ZNF385C: variants seen among roughly 807,000 people sequenced by gnomAD.
The protein encoded by ZNF385C is CTD-2132N18.2.
A neutral mutation model predicts 35.4 loss-of-function variants in ZNF385C; 28 were observed. The ratio of observed to expected loss-of-function variants is 0.79; its 90% CI spans 0.59 to 1.08. The LOEUF is 1.08. ZNF385C is among the 50% of genes least tolerant of loss of function. The probability of loss-of-function intolerance (pLI) is 0.00; values close to 1 mark genes in which losing one functional copy is unlikely to be tolerated. For missense variants in ZNF385C, 605 were observed against 595.6 expected, an observed-to-expected ratio of 1.02 and a Z score of -0.16; for synonymous variants, 248 against 248.2, an observed-to-expected ratio of 1.00 and a Z score of 0.01.
intron 2 of ZNF385C, among the ~76,000 whole-genome samples, chr17:42,058,505 G>A (rs2053413992): frequency 6.6e-6 from 1 of 152,156 alleles, no homozygotes; most frequent in African/African-American, 2.4e-5. Context: ...CTCCACCAGG[G>A]AGCTCCACCC....
intron 1 of ZNF385C, among the ~76,000 whole-genome samples, chr17:42,094,076 C>T (rs2053892360): frequency 6.6e-6 from 1 of 152,064 alleles, no homozygotes; most frequent in Non-Finnish European, 1.5e-5. Flanking sequence ...CTCTGCCTCC[C>T]AGGTACAAAC....
rs868912603 is a variant in ZNF385C at position 42,081,711 on chromosome 17, C to T, written c.-3+16699G>A. ...GATTCTGATAGGCTTGGTCTGGGTG[C>T]AGCCTGAGACTGTAAAATTCTGCCC... On this transcript the variant is annotated intron_variant, in intron 1 of 8. Coordinates refer to ENST00000692273, the MANE Select transcript of ZNF385C (RefSeq NM_001392013.1). 4.6e-5 allele frequency among the ~76,000 whole-genome samples: 7 copies of T among 151,972 alleles called. No individual in the cohort carries two copies. In the South Asian group the frequency reaches 1.5e-3, roughly 32 times the overall value.
rs137899285 is a variant in ZNF385C, at chr17:42,070,230, A to G, written c.-2-7172T>C. Among the ~76,000 whole-genome samples, 706 of 151,108 alleles carry G rather than the reference A, an allele frequency of 4.7e-3. 3 individuals are homozygous for G. The highest frequency in any genetic ancestry group is 0.017 in the African/African-American group (681 of 41,060). The stretch of plus-strand genomic sequence containing the variant: ...CGTGGTGGCAGGTGCCTGTAGTCCC[A>G]CTACTCAGGAGGCTGAGGCAGGAGA... On this transcript the variant is annotated intron_variant, in intron 1 of 8. Transcript: ENST00000692273.
rs1555655622 is a variant in ZNF385C at position 42,037,754 on chromosome 17, A to C, written c.382T>G (p.Phe128Val). The change falls in exon 3 of 9, where the codon TTC (phenylalanine) becomes GTC (valine). Residue 128 changes from phenylalanine (F) to valine (V), a missense_variant. Phe to Val is a conservative substitution (Grantham distance 50). Coordinates refer to ENST00000692273, the MANE Select transcript of ZNF385C (RefSeq NM_001392013.1). ...GCCCATACCGTGCTGAAGTTGGGGA[A>C]GAGACTGAGCGGGGCAGCGCCATTG... is the stretch of plus-strand genomic sequence containing the variant. The part of the protein sequence containing the change: ...HFNGAAPLSL[F>V]PNFSTMDPVQ... 7 of 1,535,034 alleles carry C rather than the reference A, an allele frequency of 4.6e-6. No individual in the cohort carries two copies. The South Asian group carries it at 8.5e-5, about 19-fold the overall frequency.
chr17:42,044,070 C>T (rs923175516), intron 2 of ZNF385C, among the ~76,000 whole-genome samples: 29 of 146,436 alleles, frequency 2.0e-4, no homozygotes, highest in Non-Finnish European at 4.3e-4. Context: ...AATCCCAGCA[C>T]TTTGGGAGGT....
At chr17:42,051,114 C>G (rs1341499641) in intron 2 of ZNF385C, among the ~76,000 whole-genome samples, 7 of 151,962 alleles carry the variant, frequency 4.6e-5, no homozygotes, top group Non-Finnish European at 8.8e-5. Context: ...TGGAAGTTGA[C>G]AGGTCGCTGC....
At chr17:42,047,830 T>C (rs1353981148) in intron 2 of ZNF385C, among the ~76,000 whole-genome samples, 1 of 151,948 alleles carries the variant, frequency 6.6e-6, no homozygotes, top group Admixed American at 6.6e-5. Flanking sequence ...ATTTTTTGTA[T>C]TTTTAGTAGA....
At chr17:42,074,269 T>A (rs2053661834) in intron 1 of ZNF385C, among the ~76,000 whole-genome samples, 1 of 152,220 alleles carries the variant, frequency 6.6e-6, no homozygotes, top group Non-Finnish European at 1.5e-5. Context: ...AGATGCTCAA[T>A]AAATAGTTGT....
intron 2 of ZNF385C, chr17:42,043,076 G>A: frequency 8.1e-7 from 1 of 1,232,200 alleles, no homozygotes; most frequent in Non-Finnish European, 1.0e-6. Flanking sequence ...CCTTCAGCCT[G>A]GCCCTCAAAA....
At chr17:42,036,097 C>T (rs1289265134) in intron 3 of ZNF385C, among the ~76,000 whole-genome samples, 6 of 151,756 alleles carry the variant, frequency 4.0e-5, no homozygotes, top group African/African-American at 1.2e-4. Context: ...TGGGCTCAAG[C>T]GATTCTCCTG....
rs1233518697 is a variant in ZNF385C at position 42,047,659 on chromosome 17, C to CT, written c.251-9775dup. On this transcript the variant is annotated intron_variant, in intron 2 of 8. Coordinates refer to ENST00000692273, the MANE Select transcript of ZNF385C (RefSeq NM_001392013.1). ...AACTTCTTGGCCCTCTTCCTTGGGA[C>CT]TTTTTTTTTTTCGAGACAGAGTCTT... 2.0e-3 allele frequency among the ~76,000 whole-genome samples: 288 copies of CT among 146,234 alleles called. 1 individual carries two copies. Among genetic ancestry groups the CT allele is most frequent in the African/African-American group, 6.7e-3 (268 of 39,960 alleles).
chr17:42,072,354 GTCC>G (rs2053637201), intron 1 of ZNF385C, among the ~76,000 whole-genome samples: 1 of 152,154 alleles, frequency 6.6e-6, no homozygotes, highest in Non-Finnish European at 1.5e-5. Flanking sequence ...CACCCTTGGT[GTCC>G]TCCTCGCGAC....
At chr17:42,039,948 G>A (rs1054116508) in intron 2 of ZNF385C, 6 of 1,231,072 alleles carry the variant, frequency 4.9e-6, no homozygotes, top group African/African-American at 3.1e-5. Context: ...CGGCGAAGTC[G>A]GGGAAGAGCT....
At chr17:42,052,620 C>T (rs1555657223) in intron 2 of ZNF385C, among the ~76,000 whole-genome samples, 4 of 152,144 alleles carry the variant, frequency 2.6e-5, no homozygotes, top group Non-Finnish European at 1.5e-5. Flanking sequence ...TTTGTGTATA[C>T]ATATACCCAG....
chr17:42,088,336 G>C (rs1555660258), intron 1 of ZNF385C, among the ~76,000 whole-genome samples: 1 of 152,220 alleles, frequency 6.6e-6, no homozygotes, highest in Non-Finnish European at 1.5e-5. Context: ...GCACCCCCAG[G>C]TCACCTCCCT....
chr17:42,060,606 A>C (rs771527481), intron 2 of ZNF385C, among the ~76,000 whole-genome samples: 30 of 152,212 alleles, frequency 2.0e-4, no homozygotes, highest in Non-Finnish European at 3.8e-4. Flanking sequence ...TGCAGGCCTC[A>C]ATGCCTTTGC....
chr17:42,047,270 G>A (rs147776326), intron 2 of ZNF385C, among the ~76,000 whole-genome samples: 1,835 of 152,228 alleles, frequency 0.012, 13 homozygotes, highest in Non-Finnish European at 0.02. Context: ...CTGACCTCGT[G>A]ATCCGCCCGC....
At chr17:42,083,768 G>T (rs2053775826) in intron 1 of ZNF385C, among the ~76,000 whole-genome samples, 1 of 123,808 alleles carries the variant, frequency 8.1e-6, no homozygotes, top group South Asian at 2.4e-4. Flanking sequence ...GCCCAGGCTG[G>T]AGTGCAATGG....
intron 2 of ZNF385C, among the ~76,000 whole-genome samples, chr17:42,059,679 T>A (rs569092458): frequency 4.6e-5 from 7 of 152,266 alleles, no homozygotes; most frequent in South Asian, 2.1e-4. Flanking sequence ...TGGAGTGCAG[T>A]GGTGCGATCT....
Sources: allele counts gnomAD v4.1 joint callset (sites outside exome capture counted in the v4.1 genomes callset), GRCh38; gene constraint gnomAD v4.1.1; transcripts MANE v1.5; gene names NCBI Gene and HGNC (gene_info 2026-07-23, HGNC 2026-07-21).